VWC2L: variants seen among roughly 807,000 people sequenced by gnomAD.
The protein encoded by VWC2L is von Willebrand factor C domain containing 2 like.
Under a neutral mutation model 21.6 loss-of-function variants are expected in VWC2L, and 10 were observed. The ratio of observed to expected loss-of-function variants is 0.46; its 90% CI spans 0.29 to 0.78. The LOEUF is 0.78. Ranked by LOEUF, VWC2L falls within the 30% of genes least tolerant of loss-of-function variation. The pLI, the probability that VWC2L is intolerant of heterozygous loss-of-function variation, is 0.10. For synonymous variants in VWC2L, 96 were observed against 94.3 expected, an observed-to-expected ratio of 1.02 and a Z score of -0.10; for missense variants, 209 against 277.1, an observed-to-expected ratio of 0.75 and a Z score of 1.74.
At chr2:214,477,545 A>C (rs1437838502) in intron 3 of VWC2L, among the ~76,000 whole-genome samples, 1 of 152,248 alleles carries the variant, frequency 6.6e-6, no homozygotes, top group Non-Finnish European at 1.5e-5. Context: ...AACCTAACAA[A>C]AATGACAGCA....
intron 3 of VWC2L, among the ~76,000 whole-genome samples, chr2:214,555,336 C>T (rs1689857892): frequency 6.6e-6 from 1 of 152,148 alleles, no homozygotes; most frequent in African/African-American, 2.4e-5. Flanking sequence ...ATCCAACCAC[C>T]TTGGGCATAT....
chr2:214,539,808 A>G (rs923876753), intron 3 of VWC2L, among the ~76,000 whole-genome samples: 1 of 152,186 alleles, frequency 6.6e-6, no homozygotes, highest in Non-Finnish European at 1.5e-5. Flanking sequence ...ATACTGGAAA[A>G]TACATTGTAT....
intron 3 of VWC2L, among the ~76,000 whole-genome samples, chr2:214,494,177 C>T (rs1688780773): frequency 1.3e-5 from 2 of 152,096 alleles, no homozygotes; most frequent in Admixed American, 6.6e-5. Flanking sequence ...ACTTTATTCC[C>T]ACATAAACAG....
At chr2:214,467,644 T>C (rs956972172) in intron 3 of VWC2L, among the ~76,000 whole-genome samples, 9 of 152,192 alleles carry the variant, frequency 5.9e-5, no homozygotes, top group African/African-American at 2.2e-4. Flanking sequence ...GAGCATACTT[T>C]ACAACTTGTA....
intron 3 of VWC2L, among the ~76,000 whole-genome samples, chr2:214,460,080 G>T (rs545123937): frequency 1.9e-4 from 29 of 151,704 alleles, no homozygotes; most frequent in Non-Finnish European, 4.0e-4. Context: ...GCTAATTTTT[G>T]TATTTTTAGT....
intron 3 of VWC2L, among the ~76,000 whole-genome samples, chr2:214,565,313 T>C (rs1167895115): frequency 6.6e-6 from 1 of 152,210 alleles, no homozygotes; most frequent in African/African-American, 2.4e-5. Context: ...TTGCAACCTC[T>C]TTGTTATCCC....
At chr2:214,563,921 G>A (rs1374761608) in intron 3 of VWC2L, among the ~76,000 whole-genome samples, 3 of 152,130 alleles carry the variant, frequency 2.0e-5, no homozygotes, top group African/African-American at 4.8e-5. Context: ...CTGATGACAT[G>A]ATCCTATATC....
intron 3 of VWC2L, among the ~76,000 whole-genome samples, chr2:214,546,958 T>C (rs549947293): frequency 6.6e-6 from 1 of 152,290 alleles, no homozygotes; most frequent in South Asian, 2.1e-4. Context: ...ACTCCTTCTA[T>C]GCCACGTACT....
chr2:214,498,714 T>TATGG (rs10687566), intron 3 of VWC2L, among the ~76,000 whole-genome samples: 1 of 37,330 alleles, frequency 2.7e-5, no homozygotes, highest in Non-Finnish European at 8.9e-5. Context: ...TATTTTTATA[T>TATGG]GTGTATATAT....
chr2:214,485,422 C>T (rs1688661595), intron 3 of VWC2L, among the ~76,000 whole-genome samples: 1 of 152,138 alleles, frequency 6.6e-6, no homozygotes, highest in African/African-American at 2.4e-5. Context: ...TGATATCTAG[C>T]TGTCATTCAT....
At chr2:214,452,574 C>G (rs1316712585) in intron 3 of VWC2L, among the ~76,000 whole-genome samples, 2 of 151,964 alleles carry the variant, frequency 1.3e-5, no homozygotes, top group South Asian at 2.1e-4. Context: ...TAAACAGAAG[C>G]CTTCGTATGG....
At chr2:214,517,930 G>A (rs34967082) in intron 3 of VWC2L, among the ~76,000 whole-genome samples, 45,911 of 152,168 alleles carry the variant, frequency 0.3, 8,436 homozygotes, top group South Asian at 0.45. Context: ...ACTTTGGGAG[G>A]CCAAGGCAGG....
rs913094290 is a variant in VWC2L at position 214,414,347 on chromosome 2, G to T, written c.154G>T (p.Gly52Trp). Residue 52 changes from glycine (G) to tryptophan (W), a missense_variant, in exon 2 of 4, where the codon GGG becomes TGG. Gly to Trp is a radical substitution (Grantham distance 184). Transcript: ENST00000312504. ...GATCTTTGATGACTATCGAGGGAAA[G>T]GGTGTGTCGATGACAGCGGCTTTGT... ...NLIFDDYRGK[G>W]CVDDSGFVYK... 1.2e-6 allele frequency: 2 copies of T among 1,613,832 alleles called. No homozygotes were observed. The highest frequency in any genetic ancestry group is 1.7e-6 in the Non-Finnish European group (2 of 1,179,816).
At chr2:214,414,067 T>C (rs919830714) in intron 1 of VWC2L, 47 bp from the exon 2 acceptor site, 3 of 1,090,596 alleles carry the variant, frequency 2.8e-6, no homozygotes, top group Non-Finnish European at 3.8e-6. Flanking sequence ...TGAATCTATC[T>C]TCACTTTATA....
At chr2:214,505,849 T>A (rs781105391) in intron 3 of VWC2L, among the ~76,000 whole-genome samples, 1 of 152,144 alleles carries the variant, frequency 6.6e-6, no homozygotes, top group Non-Finnish European at 1.5e-5. Flanking sequence ...GTAAGAGTGT[T>A]TAACATGATC....
intron 3 of VWC2L, among the ~76,000 whole-genome samples, chr2:214,503,536 A>G (rs916967159): frequency 6.6e-6 from 1 of 152,128 alleles, no homozygotes; most frequent in Non-Finnish European, 1.5e-5. Flanking sequence ...TATTAGGCTA[A>G]TTGTTCTCAA....
At chr2:214,448,419 T>G (rs1702904066) in intron 3 of VWC2L, among the ~76,000 whole-genome samples, 1 of 152,220 alleles carries the variant, frequency 6.6e-6, no homozygotes, top group Admixed American at 6.5e-5. Flanking sequence ...TCTAGGATGC[T>G]TTTGGTGGTG....
At chr2:214,513,901 T>C (rs1008868849) in intron 3 of VWC2L, among the ~76,000 whole-genome samples, 1 of 152,146 alleles carries the variant, frequency 6.6e-6, no homozygotes, top group African/African-American at 2.4e-5. Flanking sequence ...AGCAGCCATA[T>C]TGCCCTCTGC....
At chr2:214,453,723 TTC>T (rs1439995770) in intron 3 of VWC2L, among the ~76,000 whole-genome samples, 2 of 77,582 alleles carry the variant, frequency 2.6e-5, no homozygotes, top group African/African-American at 1.1e-4. Context: ...AGAATTTTTT[TTC>T]TTTTTTTTTT....
Sources: allele counts gnomAD v4.1 joint callset (sites outside exome capture counted in the v4.1 genomes callset), GRCh38; gene constraint gnomAD v4.1.1; transcripts MANE v1.5; gene names NCBI Gene and HGNC (gene_info 2026-07-23, HGNC 2026-07-21).